PCMTD1: variants seen among roughly 807,000 people sequenced by gnomAD.
The protein encoded by PCMTD1 is protein-L-isoaspartate O-methyltransferase domain-containing protein 1.
A neutral mutation model predicts 37.6 loss-of-function variants in PCMTD1; 12 were observed. The observed-to-expected ratio is 0.32, with a 90% CI of 0.20 to 0.52. PCMTD1 has a LOEUF of 0.52. Among genes scored for constraint, PCMTD1 ranks in the 20% least tolerant of loss-of-function variants. PCMTD1 has a pLI of 0.97. For missense variants in PCMTD1, 235 were observed against 421.3 expected (o/e 0.56, Z 3.87); for synonymous variants, 117 against 135.8 (o/e 0.86, Z 0.96).
intron 2 of PCMTD1, among the ~76,000 whole-genome samples, chr8:51,854,573 T>A (rs1399459383): frequency 6.6e-6 from 1 of 152,206 alleles, no homozygotes; most frequent in South Asian, 2.1e-4. Context: ...GAGCCCCAAA[T>A]AAATCACATA....
rs150745250 is a variant in PCMTD1 at position 51,862,472 on chromosome 8, A to T, written c.-95-1226T>A. ...GAAAACTAAAAAAATTTCAAAACATAATACTGAATATACAATTTAAGCTTT... is the reference window on the plus strand; with the variant it reads ...GAAAACTAAAAAAATTTCAAAACATTATACTGAATATACAATTTAAGCTTT... On this transcript the variant is annotated intron_variant, in intron 1 of 5. Transcript: ENST00000522514. Among the ~76,000 whole-genome samples, 632 of 152,352 alleles carry T rather than the reference A, an allele frequency of 4.1e-3. 5 individuals are homozygous for T. Among genetic ancestry groups the T allele is most frequent in the African/African-American group, 0.014 (596 of 41,586 alleles).
At chr8:51,820,782 T>TG in intron 5 of PCMTD1, 64 bp from the exon 6 acceptor site, 1 of 1,410,478 alleles carries the variant, frequency 7.1e-7, no homozygotes, top group Non-Finnish European at 9.4e-7. Context: ...TATTGTTTAT[T>TG]TTTTTCATAG....
intron 1 of PCMTD1, among the ~76,000 whole-genome samples, chr8:51,880,071 G>A (rs994318100): frequency 6.6e-6 from 1 of 151,780 alleles, no homozygotes; most frequent in African/African-American, 2.4e-5. Context: ...GTGGTGGCAT[G>A]TACCTGAAGT....
chr8:51,848,804 T>G (rs1423204584), intron 2 of PCMTD1: 1 of 152,174 alleles, frequency 6.6e-6, no homozygotes, highest in Non-Finnish European at 1.5e-5. Flanking sequence ...GTAAACACCA[T>G]TTATGATTTT....
At chr8:51,860,094 T>G (rs1170218940) in intron 2 of PCMTD1, among the ~76,000 whole-genome samples, 8 of 152,270 alleles carry the variant, frequency 5.3e-5, no homozygotes, top group Non-Finnish European at 7.3e-5. Context: ...TATTCCATGT[T>G]ATCCAGTTGT....
intron 4 of PCMTD1, among the ~76,000 whole-genome samples, chr8:51,832,795 G>A (rs2038015681): frequency 6.6e-6 from 1 of 150,516 alleles, no homozygotes; most frequent in Admixed American, 6.6e-5. Context: ...GATTTTTTTA[G>A]TTCACTTGTT....
intron 2 of PCMTD1, among the ~76,000 whole-genome samples, chr8:51,852,466 ATT>A (rs1408789046): frequency 1.3e-5 from 2 of 152,176 alleles, no homozygotes; most frequent in Admixed American, 6.5e-5. Context: ...TTCAAAATTA[ATT>A]TCTTATTAAT....
At chr8:51,878,017 A>G (rs1198024186) in intron 1 of PCMTD1, among the ~76,000 whole-genome samples, 1 of 152,208 alleles carries the variant, frequency 6.6e-6, no homozygotes, top group Non-Finnish European at 1.5e-5. Context: ...AATGAATCTA[A>G]GCAAAGGGTA....
intron 1 of PCMTD1, among the ~76,000 whole-genome samples, chr8:51,872,044 G>A (rs1203575381): frequency 6.6e-6 from 1 of 152,176 alleles, no homozygotes; most frequent in Non-Finnish European, 1.5e-5. Context: ...TGAACTCCAA[G>A]ATAGAGAAAC....
At chr8:51,889,012 A>C (rs2038901915) in intron 1 of PCMTD1, among the ~76,000 whole-genome samples, 1 of 152,124 alleles carries the variant, frequency 6.6e-6, no homozygotes, top group Non-Finnish European at 1.5e-5. Flanking sequence ...GCTTTATTTT[A>C]CACACAACTA....
At chr8:51,826,648 C>T (rs2037925451) in intron 5 of PCMTD1, among the ~76,000 whole-genome samples, 1 of 152,244 alleles carries the variant, frequency 6.6e-6, no homozygotes, top group African/African-American at 2.4e-5. Flanking sequence ...AGTCAGAAAT[C>T]ATTTTTGTTA....
At chr8:51,834,480 C>T (rs1385358527) in intron 3 of PCMTD1, among the ~76,000 whole-genome samples, 2 of 152,114 alleles carry the variant, frequency 1.3e-5, no homozygotes, top group East Asian at 3.8e-4. Context: ...TGAAAACAGG[C>T]TCTAATATAA....
At chr8:51,834,052 T>C (rs575212628) in intron 3 of PCMTD1, among the ~76,000 whole-genome samples, 5 of 152,254 alleles carry the variant, frequency 3.3e-5, no homozygotes, top group Non-Finnish European at 5.9e-5. Flanking sequence ...AGAAAAGGCT[T>C]CACTTTGCAT....
chr8:51,891,419 C>T (rs969640159), intron 1 of PCMTD1, among the ~76,000 whole-genome samples: 8 of 152,034 alleles, frequency 5.3e-5, no homozygotes, highest in African/African-American at 1.7e-4. Flanking sequence ...ATTAGCCGGG[C>T]ATCGTGGCAC....
In PCMTD1 at chr8:51,844,341, C is replaced by A. The variant is rs766849607; in HGVS notation, c.410+1320G>T. Among the ~76,000 whole-genome samples, 97 of 152,052 alleles carry A rather than the reference C, an allele frequency of 6.4e-4. 2 individuals are homozygous for A. The highest frequency in any genetic ancestry group is 4.6e-4 in the Admixed American group (7 of 15,258). Reference sequence around the variant, plus strand: ...CATAAATAAGATACAGGATGGTGCTCAGTAAATTAATGCAGAAAATTCAAG... The same window carrying A: ...CATAAATAAGATACAGGATGGTGCTAAGTAAATTAATGCAGAAAATTCAAG... On this transcript the variant is annotated intron_variant, in intron 3 of 5. Coordinates refer to ENST00000522514, the MANE Select transcript of PCMTD1 (RefSeq NM_052937.4).
intron 2 of PCMTD1, among the ~76,000 whole-genome samples, chr8:51,855,522 G>A (rs907785562): frequency 1.3e-5 from 2 of 150,878 alleles, no homozygotes; most frequent in Non-Finnish European, 3.0e-5. Flanking sequence ...AACAGGGTGA[G>A]ACTCTGTCTC....
intron 1 of PCMTD1, among the ~76,000 whole-genome samples, chr8:51,883,574 TAAG>T (rs532831848): frequency 5.5e-4 from 83 of 152,292 alleles, no homozygotes; most frequent in African/African-American, 1.6e-3. Context: ...TTATTAAGTA[TAAG>T]GAGGTACAAA....
intron 1 of PCMTD1, among the ~76,000 whole-genome samples, chr8:51,885,365 C>T (rs974444894): frequency 5.9e-5 from 9 of 152,184 alleles, no homozygotes; most frequent in South Asian, 2.1e-4. Context: ...GGAAGTTAGA[C>T]GCCAGCCCTG....
intron 2 of PCMTD1, among the ~76,000 whole-genome samples, chr8:51,852,451 T>C (rs772334915): frequency 6.6e-6 from 1 of 152,178 alleles, no homozygotes; most frequent in Admixed American, 6.5e-5. Context: ...ATTAAGTACA[T>C]TCCATTCAAA....
Sources: allele counts gnomAD v4.1 joint callset (sites outside exome capture counted in the v4.1 genomes callset), GRCh38; gene constraint gnomAD v4.1.1; transcripts MANE v1.5; gene names NCBI Gene and HGNC (gene_info 2026-07-23, HGNC 2026-07-21).